SLC16A7: variants seen among roughly 807,000 people sequenced by gnomAD.
The protein encoded by SLC16A7 is monocarboxylate transporter 2.
SLC16A7 carries 33 observed loss-of-function variants against 34.9 expected under a neutral mutation model. That is an observed-to-expected ratio of 0.94 (90% CI 0.72 to 1.26). The LOEUF is 1.26. SLC16A7 is among the 50% of genes most tolerant of loss of function. SLC16A7 has a pLI of 0.00. For synonymous variants in SLC16A7, 201 were observed against 206.6 expected (o/e 0.97, Z 0.23); for missense variants, 573 against 578.1 (o/e 0.99, Z 0.09).
At chr12:59,725,927 A>G (rs905613797) in intron 3 of SLC16A7, among the ~76,000 whole-genome samples, 4 of 152,144 alleles carry the variant, frequency 2.6e-5, no homozygotes, top group African/African-American at 7.2e-5. Context: ...ACAGCATAAC[A>G]TCTTTTTTTC....
intron 1 of SLC16A7, among the ~76,000 whole-genome samples, chr12:59,619,075 T>G (rs1038341276): frequency 6.6e-6 from 1 of 152,078 alleles, no homozygotes; most frequent in African/African-American, 2.4e-5. Context: ...ATTTAACCTT[T>G]TAGAGTGACT....
chr12:59,623,290 C>T (rs1879782051), intron 1 of SLC16A7, among the ~76,000 whole-genome samples: 1 of 151,658 alleles, frequency 6.6e-6, no homozygotes, highest in East Asian at 1.9e-4. Context: ...TTTGATCTTT[C>T]ATATAAATTA....
chr12:59,687,023 A>C (rs1357472733), intron 2 of SLC16A7, among the ~76,000 whole-genome samples: 2 of 152,022 alleles, frequency 1.3e-5, no homozygotes, highest in Admixed American at 1.3e-4. Context: ...TACATATAGC[A>C]AAACATTTTA....
chr12:59,652,472 G>C (rs1868357983), intron 1 of SLC16A7, among the ~76,000 whole-genome samples: 1 of 151,894 alleles, frequency 6.6e-6, no homozygotes, highest in Non-Finnish European at 1.5e-5. Context: ...GGAACTTTAT[G>C]ACACCCAGAG....
At chr12:59,778,732 A>C (rs1365009819) in intron 5 of SLC16A7, among the ~76,000 whole-genome samples, 1 of 152,102 alleles carries the variant, frequency 6.6e-6, no homozygotes, top group Non-Finnish European at 1.5e-5. Flanking sequence ...AACTAGGATT[A>C]GCTCAAATAG....
rs1314765533 is a variant in SLC16A7 at position 59,782,164 on chromosome 12, C to T, written c.*2485C>T. The T allele has an allele frequency of 6.6e-6, 1 of 152,154 alleles. No individual in the cohort carries two copies. The highest frequency in any genetic ancestry group is 2.4e-5 in the African/African-American group (1 of 41,444). 9.4% of individuals were successfully genotyped at this position (152,154 alleles called of 1,614,324 possible). A position where few individuals can be genotyped will look rare whatever the true frequency, so the allele number is the denominator to read the frequency against. On this transcript the variant is annotated 3_prime_UTR_variant, in exon 6 of 6. Transcript: ENST00000547379. ...AGTCACACCTGGCAGTAGCACTGCA[C>T]AGTTACAAATATGCACACACGTTAA...
intron 3 of SLC16A7, chr12:59,720,004 T>C (rs1274635995): frequency 1.5e-6 from 1 of 675,608 alleles, no homozygotes; most frequent in Non-Finnish European, 2.7e-6. Flanking sequence ...TACCTGACTT[T>C]GAATCTCATG....
intron 1 of SLC16A7, among the ~76,000 whole-genome samples, chr12:59,631,365 A>G (rs978533328): frequency 1.3e-5 from 2 of 151,942 alleles, no homozygotes; most frequent in Non-Finnish European, 2.9e-5. Context: ...ACAGATGGAG[A>G]TATCTGCTAG....
intron 3 of SLC16A7, among the ~76,000 whole-genome samples, chr12:59,750,508 A>T (rs1456437628): frequency 6.6e-6 from 1 of 152,232 alleles, no homozygotes; most frequent in Non-Finnish European, 1.5e-5. Context: ...AACCACAATG[A>T]GATACCATCT....
At chr12:59,704,070 C>T (rs1457194074) in intron 2 of SLC16A7, among the ~76,000 whole-genome samples, 3 of 150,694 alleles carry the variant, frequency 2.0e-5, no homozygotes, top group African/African-American at 7.3e-5. Context: ...GGCATGGTGG[C>T]GCCTGCCTGT....
At chr12:59,767,401 G>A (rs1881772637) in intron 3 of SLC16A7, among the ~76,000 whole-genome samples, 1 of 151,938 alleles carries the variant, frequency 6.6e-6, no homozygotes, top group Admixed American at 6.6e-5. Context: ...GACTTTCATT[G>A]GTAGATAGCA....
intron 2 of SLC16A7, among the ~76,000 whole-genome samples, chr12:59,693,772 C>T (rs1949726265): frequency 6.6e-6 from 1 of 151,600 alleles, no homozygotes; most frequent in African/African-American, 2.4e-5. Flanking sequence ...TGGAAATTCC[C>T]AGAGGAATAA....
intron 1 of SLC16A7, among the ~76,000 whole-genome samples, chr12:59,603,712 G>C (rs1202169388): frequency 1.3e-5 from 2 of 152,066 alleles, no homozygotes; most frequent in Admixed American, 6.5e-5. Flanking sequence ...TAAAGTTGTA[G>C]ATGTCAGGAA....
chr12:59,633,195 C>T (rs1171296333), intron 1 of SLC16A7, among the ~76,000 whole-genome samples: 2 of 151,832 alleles, frequency 1.3e-5, no homozygotes, highest in African/African-American at 4.8e-5. Context: ...GTTAAGGTTC[C>T]TTTGTACTAT....
intron 3 of SLC16A7, among the ~76,000 whole-genome samples, chr12:59,750,146 T>G (rs1879351794): frequency 6.6e-6 from 1 of 152,092 alleles, no homozygotes. Flanking sequence ...ATTCAAGACA[T>G]AGGCATAGGC....
rs1387162521 is a variant in SLC16A7 at position 59,729,841 on chromosome 12, G to A, written c.217+24823G>A. Among the ~76,000 whole-genome samples the A allele has an allele frequency of 2.0e-5, 3 of 152,326 alleles. No individual in the cohort carries two copies. In the East Asian group the frequency reaches 5.8e-4, roughly 29 times the overall value. On this transcript the variant is annotated intron_variant, in intron 3 of 5. Coordinates refer to ENST00000547379, the MANE Select transcript of SLC16A7 (RefSeq NM_001270623.2). ...GTTCAATAGCACAATGTGGCTTGCT[G>A]ACAATTTAGCTGACCCTACACCTGG...
chr12:59,741,362 G>A (rs2137285124), intron 3 of SLC16A7, among the ~76,000 whole-genome samples: 1 of 151,998 alleles, frequency 6.6e-6, no homozygotes, highest in Admixed American at 6.5e-5. Context: ...TAAATGTGGT[G>A]TCAGGAGGAA....
At chr12:59,769,766 A>G (rs894488614) in intron 3 of SLC16A7, among the ~76,000 whole-genome samples, 2 of 152,134 alleles carry the variant, frequency 1.3e-5, no homozygotes, top group Non-Finnish European at 2.9e-5. Flanking sequence ...CCATGTAAAA[A>G]TTCTCAAATA....
chr12:59,774,333 A>T (rs1230238843), intron 4 of SLC16A7, among the ~76,000 whole-genome samples: 1 of 152,180 alleles, frequency 6.6e-6, no homozygotes, highest in Non-Finnish European at 1.5e-5. Flanking sequence ...TGAGGAATTA[A>T]ATGATTTTAA....
Sources: allele counts gnomAD v4.1 joint callset (sites outside exome capture counted in the v4.1 genomes callset), GRCh38; gene constraint gnomAD v4.1.1; transcripts MANE v1.5; gene names NCBI Gene and HGNC (gene_info 2026-07-23, HGNC 2026-07-21).